Variants in SERPINA11 observed in about 807,000 individuals in gnomAD.
SERPINA11 encodes the protein serpin family A member 11, also known as serpin A11.
SERPINA11 carries 28 observed loss-of-function variants against 29.4 expected under a neutral mutation model. The ratio of observed to expected loss-of-function variants is 0.95; its 90% CI spans 0.70 to 1.30. The LOEUF (loss-of-function observed/expected upper bound fraction) is 1.30. Among genes scored for constraint, SERPINA11 ranks in the 50% most tolerant of loss-of-function variants. The pLI, the probability that SERPINA11 is intolerant of heterozygous loss-of-function variation, is 0.00. For synonymous variants in SERPINA11, 253 were observed against 206.6 expected (o/e 1.22, Z -1.92); for missense variants, 530 against 507.3 (o/e 1.04, Z -0.43).
chr14:94,448,748 C>T lies in SERPINA11; in HGVS notation c.27G>A (p.Leu9=), dbSNP rs1382565435. 1 of 1,512,750 alleles carries T rather than the reference C, an allele frequency of 6.6e-7. No individual in the cohort carries two copies. Among genetic ancestry groups the T allele is most frequent in the Non-Finnish European group, 8.8e-7 (1 of 1,131,874 alleles). 93.7% of individuals were successfully genotyped at this position (1,512,750 alleles called of 1,614,324 possible). A position where few individuals can be genotyped will look rare whatever the true frequency, so the allele number is the denominator to read the frequency against. MGPAWLWL[L]GTGILASVHC... ...GGACAGAGGCCAGGATCCCTGTTCC[C>T]AGTAGCCAAAGCCAAGCTGGACCCA... The change falls in exon 2 of 5, where the codon CTG becomes CTA. Residue 9 remains leucine (L), a synonymous_variant. Coordinates refer to ENST00000334708, the MANE Select transcript of SERPINA11 (RefSeq NM_001080451.2).
chr14:94,443,218 C>G lies in SERPINA11; in HGVS notation c.925G>C (p.Asp309His). 9 of 1,612,914 alleles carry G rather than the reference C, an allele frequency of 5.6e-6. No individual in the cohort carries two copies. Among genetic ancestry groups the G allele is most frequent in the Non-Finnish European group, 7.6e-6 (9 of 1,179,444 alleles). Residue 309 changes from aspartate (D) to histidine (H), a missense_variant, in exon 4 of 5, where the codon GAT becomes CAT. Asp to His is a moderately conservative substitution (Grantham distance 81). Transcript: ENST00000334708. Reference protein sequence around the residue: ...WGQLLLPSLLDLHLPRFSISG... With the variant: ...WGQLLLPSLLHLHLPRFSISG... Reference sequence around the variant, plus strand: ...ATTGAAAACCTTGGCAAGTGCAAATCCAACAGACTGGAGAGAGAAACAGAC... The same window carrying G: ...ATTGAAAACCTTGGCAAGTGCAAATGCAACAGACTGGAGAGAGAAACAGAC...
At position 94,443,228 on chromosome 14, in the gene SERPINA11, G is replaced by A. The variant is rs1371948032; in HGVS notation, c.918-3C>T. On this transcript the variant is annotated splice_region_variant and splice_polypyrimidine_tract_variant and intron_variant, in intron 3 of 4. Transcript: ENST00000334708. ...TTGGCAAGTGCAAATCCAACAGACT[G>A]GAGAGAGAAACAGACAGAGAAATGG... 1.9e-6 allele frequency: 3 copies of A among 1,611,504 alleles called. No individual in the cohort carries two copies. In the Admixed American group the frequency reaches 5.0e-5, roughly 27 times the overall value.
At chr14:94,443,049 C>T (rs1233904993) in intron 4 of SERPINA11, 29 bp downstream of exon 4, 3 of 1,591,108 alleles carry the variant, frequency 1.9e-6, no homozygotes, top group East Asian at 2.2e-5. Context: ...CCCCCACCTG[C>T]CCACAAACAT....
chr14:94,452,101 A>G (rs72692831), intron 1 of SERPINA11, among the ~76,000 whole-genome samples: 7,720 of 152,264 alleles, frequency 0.051, 324 homozygotes, highest in Non-Finnish European at 0.072. Context: ...GTTGGGGAAC[A>G]GCTGGGCTCC....
rs758807200 is a variant in SERPINA11 at position 94,446,640 on chromosome 14, T to C, written c.644-36A>G. On this transcript the variant is annotated intron_variant, in intron 2 of 4. Coordinates refer to ENST00000334708, the MANE Select transcript of SERPINA11 (RefSeq NM_001080451.2). ...AAAACCCATAAGGCCATGAGAACTCTTTTCAAGAGAGCAACTCTGGGTAGA... is the reference window on the plus strand; with the variant it reads ...AAAACCCATAAGGCCATGAGAACTCCTTTCAAGAGAGCAACTCTGGGTAGA... The C allele has an allele frequency of 5.1e-6, 8 of 1,581,474 alleles. No homozygotes were observed. In the Admixed American group the frequency reaches 9.0e-5, roughly 18 times the overall value.
chr14:94,450,329 A>G (rs1215476933), intron 1 of SERPINA11, among the ~76,000 whole-genome samples: 1 of 152,204 alleles, frequency 6.6e-6, no homozygotes, highest in Non-Finnish European at 1.5e-5. Flanking sequence ...AGATGAGGTC[A>G]TTAGAGCAGG....
chr14:94,443,933 T>C (rs1898388255), intron 3 of SERPINA11, among the ~76,000 whole-genome samples: 1 of 152,238 alleles, frequency 6.6e-6, no homozygotes, highest in Non-Finnish European at 1.5e-5. Context: ...GTTATTCTTC[T>C]TTATAATTAT....
intron 2 of SERPINA11, among the ~76,000 whole-genome samples, chr14:94,447,210 T>C (rs1185168610): frequency 6.6e-6 from 1 of 152,230 alleles, no homozygotes; most frequent in African/African-American, 2.4e-5. Context: ...CCCATTAAGA[T>C]GTAGTTAGAA....
intron 1 of SERPINA11, among the ~76,000 whole-genome samples, chr14:94,449,487 GTCTGTCTT>G (rs1898542792): frequency 2.4e-5 from 2 of 82,050 alleles, no homozygotes; most frequent in East Asian, 4.0e-4. Flanking sequence ...CTTTCTGTCT[GTCTGTCTT>G]TCTTTCTCTT....
At chr14:94,446,696 T>C (rs900110609) in intron 2 of SERPINA11, 92 bp from the exon 3 acceptor site, 2 of 1,313,194 alleles carry the variant, frequency 1.5e-6, no homozygotes, top group Non-Finnish European at 2.1e-6. Flanking sequence ...CTCTTGGCTA[T>C]GCAAGTATGT....
intron 1 of SERPINA11, among the ~76,000 whole-genome samples, chr14:94,449,396 C>CTTTCT (rs1898519292): frequency 8.2e-5 from 1 of 12,162 alleles, no homozygotes; most frequent in African/African-American, 2.5e-4. Flanking sequence ...CTCCCTCTTT[C>CTTTCT]TTTCTTTCTA....
In SERPINA11 at chr14:94,450,756, G is replaced by A. The variant is rs767262380; in HGVS notation, c.-4+1973C>T. Among the ~76,000 whole-genome samples, 13 of 152,284 alleles carry A rather than the reference G, an allele frequency of 8.5e-5. No individual in the cohort carries two copies. The South Asian group carries it at 2.7e-3, about 32-fold the overall frequency. On this transcript the variant is annotated intron_variant, in intron 1 of 4. Coordinates refer to ENST00000334708, the MANE Select transcript of SERPINA11 (RefSeq NM_001080451.2). ...AGGGATCAAAGTGGTACAGGAGCAG[G>A]AAGACCCCTTGTTTTAGGGCTGGGA...
Position 94,448,662 on chromosome 14 carries a change from T to C in SERPINA11, c.113A>G (p.His38Arg). 6.3e-7 allele frequency: 1 copy of C among 1,585,304 alleles called. No homozygotes were observed. Among genetic ancestry groups the C allele is most frequent in the Non-Finnish European group, 8.6e-7 (1 of 1,165,172 alleles). ...KSLQGPQPPR[H>R]QLSEPAPAYH... ...GGCGGGGGCTGGCTCTGAGAGCTGATGCCTGGGGGGTTGAGGCCCCTGCAG... is the reference window on the plus strand; with the variant it reads ...GGCGGGGGCTGGCTCTGAGAGCTGACGCCTGGGGGGTTGAGGCCCCTGCAG... Residue 38 changes from histidine to arginine, a missense_variant, in exon 2 of 5, where the codon CAT becomes CGT. Physicochemically the swap from His to Arg is conservative, Grantham distance 29. Transcript: ENST00000334708.
chr14:94,450,663 T>C (rs956448982), intron 1 of SERPINA11, among the ~76,000 whole-genome samples: 4 of 152,184 alleles, frequency 2.6e-5, no homozygotes, highest in African/African-American at 9.7e-5. Context: ...CCTTGCAAAC[T>C]AATGTGATAT....
At chr14:94,446,767 C>T (rs112599357) in intron 2 of SERPINA11, among the ~76,000 whole-genome samples, 163 bp from the exon 3 acceptor site, 2 of 152,328 alleles carry the variant, frequency 1.3e-5, no homozygotes, top group African/African-American at 4.8e-5. Flanking sequence ...GGCTCAGTCT[C>T]TAGGACAAGT....
chr14:94,449,431 TTCTTTC>T (rs1197718276), intron 1 of SERPINA11, among the ~76,000 whole-genome samples: 2 of 100,164 alleles, frequency 2.0e-5, no homozygotes, highest in South Asian at 7.3e-4. Context: ...CTTTCTTTCT[TTCTTTC>T]TTTCTTTCTT....
intron 1 of SERPINA11, among the ~76,000 whole-genome samples, chr14:94,449,131 G>T (rs1197232039): frequency 6.6e-6 from 1 of 152,264 alleles, no homozygotes; most frequent in East Asian, 1.9e-4. Context: ...TGGGAGGATC[G>T]CTTGAGCCCA....
chr14:94,446,636 A>G (rs752285581), intron 2 of SERPINA11, 32 bp from the exon 3 acceptor site: 1 of 1,588,610 alleles, frequency 6.3e-7, no homozygotes, highest in East Asian at 2.2e-5. Flanking sequence ...GGCCATGAGA[A>G]CTCTTTTCAA....
chr14:94,446,703 A>T (rs1898446400), intron 2 of SERPINA11, 99 bp from the exon 3 acceptor site: 1 of 1,231,926 alleles, frequency 8.1e-7, no homozygotes, highest in Admixed American at 2.2e-5. Context: ...CTATGCAAGT[A>T]TGTGGCAAAA....
Sources: allele counts gnomAD v4.1 joint callset (sites outside exome capture counted in the v4.1 genomes callset), GRCh38; gene constraint gnomAD v4.1.1; transcripts MANE v1.5; gene names NCBI Gene and HGNC (gene_info 2026-07-23, HGNC 2026-07-21).